The following C8orf34 variants were observed in gnomAD, a reference collection of about 807,000 sequenced individuals.
C8orf34 encodes chromosome 8 open reading frame 34.
Under a neutral mutation model 68.3 loss-of-function variants are expected in C8orf34, and 65 were observed. The observed-to-expected ratio is 0.95, with a 90% CI of 0.78 to 1.17. The LOEUF (loss-of-function observed/expected upper bound fraction) is 1.17. C8orf34 is among the 50% of genes most tolerant of loss of function. The pLI, the probability that C8orf34 is intolerant of heterozygous loss-of-function variation, is 0.00. For synonymous variants in C8orf34, 244 were observed against 241.2 expected (o/e 1.01, Z -0.11); for missense variants, 664 against 655.4 (o/e 1.01, Z -0.14).
At chr8:68,504,668 T>C (rs1299317464) in intron 5 of C8orf34, among the ~76,000 whole-genome samples, 1 of 151,006 alleles carries the variant, frequency 6.6e-6, no homozygotes, top group African/African-American at 2.4e-5. Flanking sequence ...TACATGCATG[T>C]GTCACCATGC....
intron 12 of C8orf34, among the ~76,000 whole-genome samples, chr8:68,813,957 G>A (rs988966071): frequency 6.6e-6 from 1 of 152,210 alleles, no homozygotes; most frequent in African/African-American, 2.4e-5. Context: ...ATGTGAAATA[G>A]CATCCAACTC....
Position 68,609,503 on chromosome 8 carries a change from A to G in C8orf34, c.1106-30873A>G, listed in dbSNP as rs1339335175. ...GAAATCAAGAAATTGGTGTGGTCACAGAAGCCAAGGGTATAAAGAGTTTTA... is the reference window on the plus strand; with the variant it reads ...GAAATCAAGAAATTGGTGTGGTCACGGAAGCCAAGGGTATAAAGAGTTTTA... On this transcript the variant is annotated intron_variant, in intron 7 of 13. Coordinates refer to ENST00000518698, the MANE Select transcript of C8orf34 (RefSeq NM_052958.4). Among the ~76,000 whole-genome samples the G allele has an allele frequency of 4.6e-5, 7 of 152,332 alleles. No homozygotes were observed. The East Asian group carries it at 1.4e-3, about 29-fold the overall frequency.
chr8:68,345,460 T>C (rs1806240779), intron 1 of C8orf34, among the ~76,000 whole-genome samples: 1 of 152,006 alleles, frequency 6.6e-6, no homozygotes, highest in Non-Finnish European at 1.5e-5. Context: ...ACTTAAAATA[T>C]TTCCCTTAGG....
intron 7 of C8orf34, among the ~76,000 whole-genome samples, chr8:68,557,428 AAAG>A: frequency 6.6e-6 from 1 of 152,218 alleles, no homozygotes; most frequent in Non-Finnish European, 1.5e-5. Context: ...ATTGCTTCCT[AAAG>A]ATACCAGATT....
chr8:68,479,116 G>T (rs1812746268), intron 4 of C8orf34, among the ~76,000 whole-genome samples: 1 of 152,042 alleles, frequency 6.6e-6, no homozygotes. Flanking sequence ...TTGATAATCA[G>T]GATGTGTATA....
intron 7 of C8orf34, chr8:68,534,648 C>T: frequency 1.0e-6 from 1 of 985,472 alleles, no homozygotes; most frequent in Non-Finnish European, 1.2e-6. Flanking sequence ...GGGGTGTGGT[C>T]ATTGTAGGTT....
chr8:68,704,321 A>C (rs542297639), intron 8 of C8orf34, among the ~76,000 whole-genome samples: 5 of 152,246 alleles, frequency 3.3e-5, no homozygotes, highest in African/African-American at 1.2e-4. Context: ...ATGCAGAGGG[A>C]TGGCGTGGTG....
At chr8:68,523,206 G>A (rs1020318166) in intron 6 of C8orf34, among the ~76,000 whole-genome samples, 7 of 152,118 alleles carry the variant, frequency 4.6e-5, no homozygotes, top group Non-Finnish European at 1.0e-4. Flanking sequence ...GTCAATGAGG[G>A]TAATTTTTTT....
chr8:68,711,910 GA>G (rs533390074), intron 9 of C8orf34, among the ~76,000 whole-genome samples: 1 of 152,022 alleles, frequency 6.6e-6, no homozygotes, highest in African/African-American at 2.4e-5. Context: ...CAAGATGAAG[GA>G]AAAAATCTTA....
chr8:68,590,689 A>G (rs1273676565), intron 7 of C8orf34, among the ~76,000 whole-genome samples: 6 of 152,198 alleles, frequency 3.9e-5, no homozygotes, highest in Non-Finnish European at 2.9e-5. Context: ...GTCTGAGTCT[A>G]TCTAATCAGT....
At chr8:68,767,617 CCATTCATT>C in intron 10 of C8orf34, among the ~76,000 whole-genome samples, 1 of 152,262 alleles carries the variant, frequency 6.6e-6, no homozygotes, top group South Asian at 2.1e-4. Context: ...TTTGGTATGA[CCATTCATT>C]CATTCATTCA....
chr8:68,707,355 C>T (rs1206306861), intron 8 of C8orf34, among the ~76,000 whole-genome samples: 3 of 152,162 alleles, frequency 2.0e-5, no homozygotes, highest in African/African-American at 7.2e-5. Context: ...AATCCATAGC[C>T]ATTGGTCTCT....
Position 68,590,572 on chromosome 8 carries a change from C to T in C8orf34, c.1106-49804C>T, listed in dbSNP as rs576513393. ...AGACGAAAGAGTCCTAATTTTTATC[C>T]CCTGTCGAAGCCAACTGCAAGATAT... On this transcript the variant is annotated intron_variant, in intron 7 of 13. Coordinates refer to ENST00000518698, the MANE Select transcript of C8orf34 (RefSeq NM_052958.4). Among the ~76,000 whole-genome samples, 6 of 152,108 alleles carry T rather than the reference C, an allele frequency of 3.9e-5. No individual in the cohort carries two copies. In the South Asian group the frequency reaches 1.0e-3, roughly 26 times the overall value.
intron 13 of C8orf34, among the ~76,000 whole-genome samples, chr8:68,816,152 G>GTA (rs1384364201): frequency 6.6e-6 from 1 of 151,446 alleles, no homozygotes; most frequent in African/African-American, 2.4e-5. Context: ...GTGTGTGTGT[G>GTA]TGTGTGTGCA....
chr8:68,433,379 T>C (rs1415422872), intron 1 of C8orf34, among the ~76,000 whole-genome samples: 1 of 152,174 alleles, frequency 6.6e-6, no homozygotes, highest in Admixed American at 6.6e-5. Context: ...CCTCCATCAT[T>C]AATAGAGTAC....
At chr8:68,463,069 G>A (rs1258220251) in intron 3 of C8orf34, among the ~76,000 whole-genome samples, 1 of 151,956 alleles carries the variant, frequency 6.6e-6, no homozygotes, top group Non-Finnish European at 1.5e-5. Flanking sequence ...AAAAAAGAGA[G>A]AAGAATCAAA....
chr8:68,482,572 G>A (rs947572316), intron 4 of C8orf34, among the ~76,000 whole-genome samples: 2 of 152,142 alleles, frequency 1.3e-5, no homozygotes, highest in Non-Finnish European at 2.9e-5. Context: ...ACTGTGCCCA[G>A]TCTAAAGGGT....
At chr8:68,559,712 A>C (rs1213519965) in intron 7 of C8orf34, among the ~76,000 whole-genome samples, 1 of 152,166 alleles carries the variant, frequency 6.6e-6, no homozygotes, top group Non-Finnish European at 1.5e-5. Flanking sequence ...TCTGAACATG[A>C]TGTAGGTATG....
Position 68,401,823 on chromosome 8 carries a change from G to A in C8orf34, c.328-37676G>A, listed in dbSNP as rs78641542. ...TAATGTTTTATTGAGGACTTTTTGC[G>A]TCTATGTTCATCAGGGATATTGGTC... On this transcript the variant is annotated intron_variant, in intron 1 of 13. Transcript: ENST00000518698. Among the ~76,000 whole-genome samples, 1,152 of 151,532 alleles carry A rather than the reference G, an allele frequency of 7.6e-3. 8 individuals carry two copies. The highest frequency in any genetic ancestry group is 0.013 in the Non-Finnish European group (901 of 67,882).
Sources: allele counts gnomAD v4.1 joint callset (sites outside exome capture counted in the v4.1 genomes callset), GRCh38; gene constraint gnomAD v4.1.1; transcripts MANE v1.5; gene names NCBI Gene and HGNC (gene_info 2026-07-23, HGNC 2026-07-21).